Variants in SVEP1 observed in about 807,000 individuals in gnomAD.
SVEP1 encodes sushi, von Willebrand factor type A, EGF and pentraxin domain containing 1, also known as sushi, von Willebrand factor type A, EGF and pentraxin domain-containing protein 1.
SVEP1 carries 164 observed loss-of-function variants against 367.3 expected under a neutral mutation model. The observed-to-expected ratio is 0.45, with a 90% CI of 0.39 to 0.51. The LOEUF (loss-of-function observed/expected upper bound fraction) is 0.51. Among genes scored for constraint, SVEP1 ranks in the 20% least tolerant of loss-of-function variants. The pLI is 0.00. For synonymous variants in SVEP1, 1,666 were observed against 1,611.6 expected (o/e 1.03, Z -0.81); for missense variants, 4,117 against 4,425.3 (o/e 0.93, Z 1.98).
intron 15 of SVEP1, 95 bp from the exon 16 acceptor site, chr9:110,471,692 C>A: frequency 2.4e-6 from 2 of 844,340 alleles, no homozygotes; most frequent in Non-Finnish European, 1.8e-6. Flanking sequence ...TACTTAAAAT[C>A]TTTTAGTACT....
chr9:110,576,499 G>A (rs78169930), intron 1 of SVEP1, among the ~76,000 whole-genome samples: 28,909 of 151,410 alleles, frequency 0.19, 2,844 homozygotes, highest in East Asian at 0.28. Flanking sequence ...AAACTATGAC[G>A]GTATATTTTC....
chr9:110,451,803 G>T lies in SVEP1; in HGVS notation c.3788-401C>A, dbSNP rs192519695. Among the ~76,000 whole-genome samples, 3 of 152,276 alleles carry T rather than the reference G, an allele frequency of 2.0e-5. No individual in the cohort carries two copies. In the East Asian group the frequency reaches 5.8e-4, roughly 29 times the overall value. ...GCAAAAATTATGGGAGAAATATATT[G>T]AATGAAGAAAATAACTCATTTTCTT... On this transcript the variant is annotated intron_variant, in intron 22 of 47. Transcript: ENST00000374469.
chr9:110,372,827 C>G (rs2118939569), intron 46 of SVEP1, among the ~76,000 whole-genome samples: 1 of 152,266 alleles, frequency 6.6e-6, no homozygotes, highest in South Asian at 2.1e-4. Flanking sequence ...TTCAGCTGTG[C>G]TGAAGCTGGC....
intron 17 of SVEP1, among the ~76,000 whole-genome samples, chr9:110,466,940 G>T (rs1056366435): frequency 1.3e-5 from 2 of 152,038 alleles, no homozygotes; most frequent in African/African-American, 2.4e-5. Flanking sequence ...ATTTGTAGAA[G>T]AACAGGACTT....
In SVEP1 at chr9:110,429,907, C is replaced by G; in HGVS notation, c.5615+13G>C. The G allele has an allele frequency of 1.2e-6, 2 of 1,607,530 alleles. No homozygotes were observed. The highest frequency in any genetic ancestry group is 1.1e-5 in the South Asian group (1 of 90,898). On this transcript the variant is annotated intron_variant, in intron 34 of 47. Transcript: ENST00000374469. ...ACATCTTCTACAATATAGTTTTAATCTTAGATACTTACCTATATGTCACTT... is the reference window on the plus strand; with the variant it reads ...ACATCTTCTACAATATAGTTTTAATGTTAGATACTTACCTATATGTCACTT...
At chr9:110,376,450 G>GA (rs1208545968) in intron 45 of SVEP1, among the ~76,000 whole-genome samples, 1 of 152,192 alleles carries the variant, frequency 6.6e-6, no homozygotes, top group Non-Finnish European at 1.5e-5. Context: ...AATCATTTGA[G>GA]AATACTTGTT....
intron 40 of SVEP1, among the ~76,000 whole-genome samples, chr9:110,392,845 C>G (rs892913837): frequency 2.6e-5 from 4 of 152,130 alleles, no homozygotes; most frequent in South Asian, 2.1e-4. Flanking sequence ...TCATCTTGAC[C>G]TGTGGGAGCC....
intron 13 of SVEP1, among the ~76,000 whole-genome samples, chr9:110,477,246 C>A (rs1829109633): frequency 6.6e-6 from 1 of 152,154 alleles, no homozygotes. Flanking sequence ...ATCCATCGAC[C>A]CTAGTGCCTC....
chr9:110,381,856 T>A (rs1041638376), intron 43 of SVEP1, among the ~76,000 whole-genome samples: 8 of 149,772 alleles, frequency 5.3e-5, no homozygotes, highest in African/African-American at 2.0e-4. Flanking sequence ...ACTTGATTTA[T>A]GAATTTGGGT....
At chr9:110,552,296 C>G (rs1228805975) in intron 1 of SVEP1, among the ~76,000 whole-genome samples, 1 of 151,976 alleles carries the variant, frequency 6.6e-6, no homozygotes, top group African/African-American at 2.4e-5. Context: ...TCCCAAAGTG[C>G]TGGGATTACA....
chr9:110,393,422 C>A (rs1827699287), intron 40 of SVEP1, among the ~76,000 whole-genome samples: 1 of 152,178 alleles, frequency 6.6e-6, no homozygotes, highest in Admixed American at 6.6e-5. Context: ...GGAACAGCTC[C>A]AGTCTACAGC....
Position 110,430,030 on chromosome 9 carries a change from G to T in SVEP1, c.5531-26C>A, listed in dbSNP as rs766926342. On this transcript the variant is annotated intron_variant, in intron 33 of 47. Transcript: ENST00000374469. Reference sequence around the variant, plus strand: ...CTTAACAAAGGAAAAACAAACACGTGACTTTTTTGAGACTGTGTGCAAAAA... The same window carrying T: ...CTTAACAAAGGAAAAACAAACACGTTACTTTTTTGAGACTGTGTGCAAAAA... 6 of 1,604,474 alleles carry T rather than the reference G, an allele frequency of 3.7e-6. No individual in the cohort carries two copies. The African/African-American group carries it at 6.7e-5, about 18-fold the overall frequency.
intron 43 of SVEP1, among the ~76,000 whole-genome samples, chr9:110,384,890 C>T (rs1182760797): frequency 1.3e-5 from 2 of 152,214 alleles, no homozygotes; most frequent in East Asian, 3.8e-4. Flanking sequence ...TCTGGTCGGA[C>T]TCAATGAATA....
chr9:110,390,968 G>A (rs1827645698), intron 40 of SVEP1, among the ~76,000 whole-genome samples: 1 of 151,868 alleles, frequency 6.6e-6, no homozygotes, highest in Non-Finnish European at 1.5e-5. Flanking sequence ...CTATTATTTT[G>A]AAGCAAATTC....
At chr9:110,410,455 TTATAA>T (rs1282343191) in intron 37 of SVEP1, among the ~76,000 whole-genome samples, 2 of 152,324 alleles carry the variant, frequency 1.3e-5, no homozygotes, top group Admixed American at 6.5e-5. Flanking sequence ...GCATTTAAAA[TTATAA>T]TATATTTCTC....
At chr9:110,537,514 G>A (rs1250505551) in intron 3 of SVEP1, among the ~76,000 whole-genome samples, 1 of 151,800 alleles carries the variant, frequency 6.6e-6, no homozygotes, top group Non-Finnish European at 1.5e-5. Flanking sequence ...CACAATTTTT[G>A]TAGTGGAGAA....
chr9:110,416,480 A>G (rs1271601584), intron 36 of SVEP1, among the ~76,000 whole-genome samples: 1 of 152,030 alleles, frequency 6.6e-6, no homozygotes, highest in African/African-American at 2.4e-5. Flanking sequence ...GTTTTGAAAG[A>G]GATGAAAAGT....
chr9:110,570,529 G>A (rs1482695253), intron 1 of SVEP1, among the ~76,000 whole-genome samples: 1 of 150,862 alleles, frequency 6.6e-6, no homozygotes, highest in Non-Finnish European at 1.5e-5. Flanking sequence ...TGTGCAGGCT[G>A]GAGTGCAGTG....
chr9:110,423,124 AAAT>A (rs1428096884), intron 36 of SVEP1, among the ~76,000 whole-genome samples: 142 of 140,840 alleles, frequency 1.0e-3, no homozygotes, highest in Middle Eastern at 3.6e-3. Context: ...GTATAATAAA[AAAT>A]AATAATAATA....
Sources: gnomAD v4.1 joint callset for allele counts (sites outside exome capture counted in the v4.1 genomes callset) on GRCh38, gnomAD v4.1.1 for gene constraint, MANE v1.5 for transcripts, NCBI Gene and HGNC (gene_info 2026-07-23, HGNC 2026-07-21) for gene names.